The following PDE1A variants were observed in gnomAD, a reference collection of about 807,000 sequenced individuals.
The protein encoded by PDE1A is phosphodiesterase 1A, also known as dual specificity calcium/calmodulin-dependent 3',5'-cyclic nucleotide phosphodiesterase 1A.
In PDE1A, 35 loss-of-function variants were observed where a neutral mutation model predicts 61.7. The ratio of observed to expected loss-of-function variants is 0.57; its 90% confidence interval spans 0.43 to 0.75. The LOEUF (loss-of-function observed/expected upper bound fraction) is 0.75. Ranked by LOEUF, PDE1A falls within the 30% of genes least tolerant of loss-of-function variation. The probability of loss-of-function intolerance (pLI) is 0.00; values close to 1 mark genes in which losing one functional copy is unlikely to be tolerated. For synonymous variants in PDE1A, 232 were observed against 213.2 expected (o/e 1.09, Z -0.77); for missense variants, 597 against 630.6 (o/e 0.95, Z 0.57).
chr2:182,704,178 T>G, the PDE1A span, among the ~76,000 whole-genome samples: 1 of 133,418 alleles, frequency 7.5e-6, no homozygotes, highest in East Asian at 2.4e-4. Flanking sequence ...GCCACTGCAC[T>G]CCAGTCTCAG....
chr2:182,461,653 T>C (rs954726114), intron 2 of PDE1A, among the ~76,000 whole-genome samples: 4 of 152,240 alleles, frequency 2.6e-5, no homozygotes, highest in Admixed American at 2.6e-4. Context: ...GTGACAGAAA[T>C]AGACCTCAAC....
downstream of PDE1A, among the ~76,000 whole-genome samples, chr2:182,165,272 C>T (rs1252938372): frequency 6.6e-6 from 1 of 152,144 alleles, no homozygotes; most frequent in African/African-American, 2.4e-5. Context: ...TTCTTCTGGC[C>T]TAGTTCTGCA....
chr2:182,456,380 T>C (rs1685923142), intron 2 of PDE1A, among the ~76,000 whole-genome samples: 1 of 152,110 alleles, frequency 6.6e-6, no homozygotes, highest in Non-Finnish European at 1.5e-5. Flanking sequence ...CAAAGATCTT[T>C]TAAATAACAA....
In PDE1A at chr2:182,228,191, TA is replaced by T. The variant is rs530281504; in HGVS notation, c.675+1814del. Among the ~76,000 whole-genome samples, 3 of 152,150 alleles carry T rather than the reference TA, an allele frequency of 2.0e-5. No individual in the cohort carries two copies. In the South Asian group the frequency reaches 6.2e-4, roughly 32 times the overall value. On this transcript the variant is annotated intron_variant, in intron 6 of 13. Transcript: ENST00000351439. ...GTATCAAGTGACAAAAGGAGAGAGATAGGGGGACAAGCAGGTGTATGAGCAT... is the reference window on the plus strand; with the variant it reads ...GTATCAAGTGACAAAAGGAGAGAGATGGGGGACAAGCAGGTGTATGAGCAT...
chr2:182,479,218 G>C (rs148949802), intron 2 of PDE1A, among the ~76,000 whole-genome samples: 1 of 151,988 alleles, frequency 6.6e-6, no homozygotes, highest in African/African-American at 2.4e-5. Flanking sequence ...ATCAGGAAAA[G>C]TGAACTTTAC....
At chr2:182,151,882 T>C (rs937614543) in intron 13 of PDE1A, among the ~76,000 whole-genome samples, 4 of 152,204 alleles carry the variant, frequency 2.6e-5, no homozygotes, top group Non-Finnish European at 5.9e-5. Context: ...ATCATCATTA[T>C]GATTCTCATT....
At chr2:182,705,404 T>C in the PDE1A span, among the ~76,000 whole-genome samples, 105,596 of 152,152 alleles carry the variant, frequency 0.69, 37,447 homozygotes, top group African/African-American at 0.83. Flanking sequence ...TTTAACTAAT[T>C]AATATGCTAA....
intron 10 of PDE1A, among the ~76,000 whole-genome samples, chr2:182,198,360 T>C (rs559282155): frequency 6.6e-6 from 1 of 152,014 alleles, no homozygotes; most frequent in Non-Finnish European, 1.5e-5. Flanking sequence ...CTTTGTTTTT[T>C]ATTACCTTCC....
the PDE1A span, among the ~76,000 whole-genome samples, chr2:182,646,557 C>T: frequency 6.6e-6 from 1 of 151,328 alleles, no homozygotes; most frequent in Non-Finnish European, 1.5e-5. Flanking sequence ...TGGTGGCAGG[C>T]GCCTGTAATC....
At chr2:182,563,514 G>GA in the PDE1A span, among the ~76,000 whole-genome samples, 10 of 152,092 alleles carry the variant, frequency 6.6e-5, no homozygotes, top group Non-Finnish European at 1.0e-4. Context: ...GTGCAGTGCT[G>GA]AAAAAAATGT....
chr2:182,520,066 C>G (rs911840454), intron 2 of PDE1A, among the ~76,000 whole-genome samples: 3 of 151,802 alleles, frequency 2.0e-5, no homozygotes, highest in African/African-American at 7.2e-5. Flanking sequence ...GTGTAGAATT[C>G]TAGTACCAGC....
At chr2:182,516,188 TATTCTTTCCA>T (rs1690138055) in intron 2 of PDE1A, among the ~76,000 whole-genome samples, 1 of 152,194 alleles carries the variant, frequency 6.6e-6, no homozygotes, top group Non-Finnish European at 1.5e-5. Flanking sequence ...AGCAGGACTG[TATTCTTTCCA>T]GAAGCTCTAG....
intron 6 of PDE1A, among the ~76,000 whole-genome samples, chr2:182,224,402 A>G (rs1688973864): frequency 6.6e-6 from 1 of 151,964 alleles, no homozygotes; most frequent in South Asian, 2.1e-4. Context: ...AAAATTAAAA[A>G]TATTCACTTT....
At chr2:182,605,173 A>G in the PDE1A span, among the ~76,000 whole-genome samples, 1 of 152,144 alleles carries the variant, frequency 6.6e-6, no homozygotes, top group Non-Finnish European at 1.5e-5. Context: ...CCCTGGTCCA[A>G]TTAGACCTAC....
At chr2:182,544,491 T>C in the PDE1A span, among the ~76,000 whole-genome samples, 1 of 152,164 alleles carries the variant, frequency 6.6e-6, no homozygotes, top group Non-Finnish European at 1.5e-5. Flanking sequence ...CATAAAAACA[T>C]GGGATTTGCG....
chr2:182,714,543 A>C, the PDE1A span, among the ~76,000 whole-genome samples: 1 of 151,940 alleles, frequency 6.6e-6, no homozygotes, highest in Non-Finnish European at 1.5e-5. Context: ...TTTATCTCCC[A>C]TATCCAACCA....
At chr2:182,546,905 G>A in the PDE1A span, among the ~76,000 whole-genome samples, 13 of 152,240 alleles carry the variant, frequency 8.5e-5, no homozygotes, top group South Asian at 2.7e-3. Flanking sequence ...GACAATAGAA[G>A]TTATTAAAAA....
downstream of PDE1A, among the ~76,000 whole-genome samples, chr2:182,146,155 T>C (rs1404275613): frequency 6.6e-6 from 1 of 152,204 alleles, no homozygotes; most frequent in Non-Finnish European, 1.5e-5. Context: ...AGACAGTGGT[T>C]CTCAATTTTA....
At chr2:182,393,596 G>T (rs1029598875) in intron 1 of PDE1A, among the ~76,000 whole-genome samples, 2 of 152,112 alleles carry the variant, frequency 1.3e-5, no homozygotes, top group African/African-American at 4.8e-5. Flanking sequence ...CAAACTCTAT[G>T]CTCTGCTTCC....
Sources: gnomAD v4.1 joint callset for allele counts (sites outside exome capture counted in the v4.1 genomes callset) on GRCh38, gnomAD v4.1.1 for gene constraint, MANE v1.5 for transcripts, NCBI Gene and HGNC (gene_info 2026-07-23, HGNC 2026-07-21) for gene names.